Variants in PRIM2 observed in about 807,000 individuals in gnomAD.
PRIM2 encodes DNA primase large subunit.
Under a neutral mutation model 67.3 loss-of-function variants are expected in PRIM2, and 39 were observed. The observed-to-expected ratio is 0.58, with a 90% CI of 0.45 to 0.76. The LOEUF (loss-of-function observed/expected upper bound fraction) is 0.76, where lower values mean the gene tolerates loss of function less well. Ranked by LOEUF, PRIM2 falls within the 30% of genes least tolerant of loss-of-function variation. The pLI, the probability that PRIM2 is intolerant of heterozygous loss-of-function variation, is 0.00. For missense variants in PRIM2, 398 were observed against 598.7 expected, an observed-to-expected ratio of 0.66 and a Z score of 3.50; for synonymous variants, 143 against 198.7, an observed-to-expected ratio of 0.72 and a Z score of 2.36.
intron 12 of PRIM2, among the ~76,000 whole-genome samples, chr6:57,628,355 C>CCAAG: frequency 6.6e-6 from 1 of 152,262 alleles, no homozygotes; most frequent in African/African-American, 2.4e-5. Context: ...TTTTTAGGAG[C>CCAAG]CAAGACCAGC....
At chr6:57,412,947 T>C (rs1264326157) in intron 7 of PRIM2, among the ~76,000 whole-genome samples, 2 of 152,168 alleles carry the variant, frequency 1.3e-5, no homozygotes, top group Non-Finnish European at 2.9e-5. Context: ...CATAGTCTTA[T>C]CTTCTCCTTT....
chr6:57,517,786 G>A (rs2127462940), intron 8 of PRIM2, among the ~76,000 whole-genome samples: 1 of 152,190 alleles, frequency 6.6e-6, no homozygotes, highest in African/African-American at 2.4e-5. Flanking sequence ...ATCTACTGGT[G>A]GGGATTTTGC....
At chr6:57,443,774 C>T in intron 7 of PRIM2, among the ~76,000 whole-genome samples, 1 of 151,432 alleles carries the variant, frequency 6.6e-6, no homozygotes. Context: ...GATGTAATCC[C>T]AGTTGTCTGT....
intron 9 of PRIM2, among the ~76,000 whole-genome samples, chr6:57,536,363 C>T (rs1775003303): frequency 6.6e-6 from 1 of 152,214 alleles, no homozygotes; most frequent in South Asian, 2.1e-4. Context: ...ACTAACTACA[C>T]TTTGTTCCTT....
chr6:57,607,181 C>G (rs1377590809), intron 12 of PRIM2, among the ~76,000 whole-genome samples: 2 of 152,160 alleles, frequency 1.3e-5, no homozygotes, highest in Admixed American at 6.5e-5. Flanking sequence ...CATCATACAT[C>G]TTTAAATTGT....
chr6:57,439,086 C>G (rs1772109778), intron 7 of PRIM2, among the ~76,000 whole-genome samples: 1 of 152,088 alleles, frequency 6.6e-6, no homozygotes, highest in African/African-American at 2.4e-5. Flanking sequence ...TTGAGGAGTT[C>G]AGCAGTCATA....
the PRIM2 span, among the ~76,000 whole-genome samples, chr6:57,256,657 CACACACAT>C: frequency 4.7e-5 from 7 of 149,178 alleles, no homozygotes; most frequent in African/African-American, 1.2e-4. Flanking sequence ...CACACACACA[CACACACAT>C]GCCATGCAGG....
chr6:57,320,670 GT>G, intron 3 of PRIM2, 110 bp downstream of exon 3: 1 of 641,306 alleles, frequency 1.6e-6, no homozygotes, highest in Non-Finnish European at 2.6e-6. Context: ...AAAGACTAAT[GT>G]ATCATTAGCC....
At chr6:57,252,921 A>T in the PRIM2 span, among the ~76,000 whole-genome samples, 3 of 152,204 alleles carry the variant, frequency 2.0e-5, no homozygotes, top group African/African-American at 7.2e-5. Flanking sequence ...AGATCTGTTT[A>T]TGGAAGGAAA....
At chr6:57,611,166 T>G (rs1776659563) in intron 12 of PRIM2, among the ~76,000 whole-genome samples, 1 of 152,250 alleles carries the variant, frequency 6.6e-6, no homozygotes, top group African/African-American at 2.4e-5. Context: ...CTATTTCTAT[T>G]TCTTACAGTG....
intron 7 of PRIM2, among the ~76,000 whole-genome samples, chr6:57,423,873 G>T (rs1771539251): frequency 6.6e-6 from 1 of 152,196 alleles, no homozygotes; most frequent in African/African-American, 2.4e-5. Context: ...TAAGGGTCCA[G>T]GTCTAAAGGT....
chr6:57,503,674 G>A (rs1774191004), intron 7 of PRIM2, among the ~76,000 whole-genome samples: 1 of 151,956 alleles, frequency 6.6e-6, no homozygotes, highest in African/African-American at 2.4e-5. Flanking sequence ...GCTTGAATGC[G>A]GGAGGCGGAG....
chr6:57,361,212 A>C lies in PRIM2; in HGVS notation c.460-18689A>C, dbSNP rs2397237. On this transcript the variant is annotated intron_variant, in intron 5 of 13. Coordinates refer to ENST00000615550, the MANE Select transcript of PRIM2 (RefSeq NM_000947.5). Reference sequence around the variant, plus strand: ...CAGAAGAATGGCCCTTTGGCAGTGTAGGTAGTGCTGCTTCCTGTCACACTC... The same window carrying C: ...CAGAAGAATGGCCCTTTGGCAGTGTCGGTAGTGCTGCTTCCTGTCACACTC... Among the ~76,000 whole-genome samples the C allele has an allele frequency of 1.5e-3, 230 of 152,118 alleles. 1 individual carries two copies. Among genetic ancestry groups the C allele is most frequent in the African/African-American group, 5.0e-3 (208 of 41,472 alleles).
chr6:57,521,082 CAG>C (rs1193269074), intron 8 of PRIM2, among the ~76,000 whole-genome samples: 2 of 152,074 alleles, frequency 1.3e-5, no homozygotes, highest in African/African-American at 4.8e-5. Flanking sequence ...CAATTTAAAA[CAG>C]AATTTTATTG....
At chr6:57,396,658 G>A (rs1770525072) in intron 7 of PRIM2, among the ~76,000 whole-genome samples, 1 of 152,150 alleles carries the variant, frequency 6.6e-6, no homozygotes, top group Non-Finnish European at 1.5e-5. Flanking sequence ...TTCAATGTTA[G>A]TATTGAGATG....
At position 57,643,196 on chromosome 6, in the gene PRIM2, G is replaced by A. The variant is rs1221871012; in HGVS notation, c.1300-2732G>A. Among the ~76,000 whole-genome samples, 19 of 152,238 alleles carry A rather than the reference G, an allele frequency of 1.2e-4. No homozygotes were observed. The Middle Eastern group carries it at 0.014, about 109-fold the overall frequency. On this transcript the variant is annotated intron_variant, in intron 13 of 13. Transcript: ENST00000615550. ...GTATTGCTAACTGACAACTTGAAGC[G>A]AGGTATAGAAAATGCCAAGATATTA...
At chr6:57,228,940 G>A in the PRIM2 span, among the ~76,000 whole-genome samples, 1 of 152,216 alleles carries the variant, frequency 6.6e-6, no homozygotes, top group Non-Finnish European at 1.5e-5. Flanking sequence ...AGTTATATGG[G>A]AATGGAAGGG....
chr6:57,280,482 A>G, the PRIM2 span, among the ~76,000 whole-genome samples: 2 of 152,018 alleles, frequency 1.3e-5, no homozygotes, highest in African/African-American at 4.8e-5. Flanking sequence ...TCCTTCCCCC[A>G]GCTTCCCAGG....
intron 7 of PRIM2, among the ~76,000 whole-genome samples, chr6:57,452,982 C>A (rs1477311949): frequency 6.6e-6 from 1 of 152,186 alleles, no homozygotes; most frequent in Non-Finnish European, 1.5e-5. Context: ...AGGAAGGGAT[C>A]CAGTTTCAGC....
Sources: allele counts gnomAD v4.1 joint callset (sites outside exome capture counted in the v4.1 genomes callset), GRCh38; gene constraint gnomAD v4.1.1; transcripts MANE v1.5; gene names NCBI Gene and HGNC (gene_info 2026-07-23, HGNC 2026-07-21).